ATP8A2: variants seen among roughly 807,000 people sequenced by gnomAD.
ATP8A2 encodes phospholipid-transporting ATPase IB.
Under a neutral mutation model 165.6 loss-of-function variants are expected in ATP8A2, and 100 were observed. That is an observed-to-expected ratio of 0.60 (90% CI 0.51 to 0.71). The LOEUF (loss-of-function observed/expected upper bound fraction) is 0.71. Among genes scored for constraint, ATP8A2 ranks in the 30% least tolerant of loss-of-function variants. The pLI is 0.00. For synonymous variants in ATP8A2, 543 were observed against 548.8 expected (o/e 0.99, Z 0.15); for missense variants, 1,227 against 1,479.5 (o/e 0.83, Z 2.80).
intron 1 of ATP8A2, among the ~76,000 whole-genome samples, chr13:25,458,110 G>C (rs377685976): frequency 6.6e-6 from 1 of 152,170 alleles, no homozygotes; most frequent in Non-Finnish European, 1.5e-5. Context: ...CCGTCTGCTT[G>C]GAGCCTCCAC....
At chr13:25,744,322 A>ACCCCCCCCC (rs1566097562) in intron 25 of ATP8A2, among the ~76,000 whole-genome samples, 1 of 149,286 alleles carries the variant, frequency 6.7e-6, no homozygotes, top group African/African-American at 2.6e-5. Context: ...TGGCTCACTC[A>ACCCCCCCCC]CCACCCCCCC....
At chr13:25,386,953 C>T (rs1038690956) in intron 1 of ATP8A2, among the ~76,000 whole-genome samples, 1 of 124,016 alleles carries the variant, frequency 8.1e-6, no homozygotes, top group East Asian at 3.1e-4. Flanking sequence ...GCCGAGATCG[C>T]GCCCTTGCAC....
intron 24 of ATP8A2, among the ~76,000 whole-genome samples, chr13:25,646,027 T>C (rs2041661553): frequency 6.6e-6 from 1 of 152,200 alleles, no homozygotes; most frequent in Non-Finnish European, 1.5e-5. Flanking sequence ...TCCCTTGCTG[T>C]TATTATATTG....
At chr13:25,495,768 C>T (rs916945069) in intron 2 of ATP8A2, among the ~76,000 whole-genome samples, 1 of 151,804 alleles carries the variant, frequency 6.6e-6, no homozygotes, top group African/African-American at 2.4e-5. Flanking sequence ...CTCTAGACCC[C>T]TGTCTGTTTT....
intron 33 of ATP8A2, among the ~76,000 whole-genome samples, chr13:25,892,463 T>A (rs1482820802): frequency 1.4e-5 from 2 of 147,554 alleles, no homozygotes; most frequent in Non-Finnish European, 1.5e-5. Context: ...CATTTCTCTC[T>A]CTCTCTGTCT....
At chr13:25,761,025 T>G (rs927002565) in intron 25 of ATP8A2, among the ~76,000 whole-genome samples, 3 of 152,228 alleles carry the variant, frequency 2.0e-5, no homozygotes, top group African/African-American at 7.2e-5. Flanking sequence ...AAAAGCAAGA[T>G]GCTTGCACAG....
chr13:25,676,762 C>G (rs1373874725), intron 24 of ATP8A2, among the ~76,000 whole-genome samples: 1 of 152,046 alleles, frequency 6.6e-6, no homozygotes, highest in Non-Finnish European at 1.5e-5. Flanking sequence ...TACTTGTATA[C>G]ATGTTGTAGA....
intron 33 of ATP8A2, among the ~76,000 whole-genome samples, chr13:25,919,298 C>T (rs1204213292): frequency 6.6e-6 from 1 of 152,188 alleles, no homozygotes; most frequent in Non-Finnish European, 1.5e-5. Flanking sequence ...CAGCATATGG[C>T]AGATGATGTC....
chr13:25,520,344 A>G (rs1156405104), intron 2 of ATP8A2, among the ~76,000 whole-genome samples: 1 of 152,250 alleles, frequency 6.6e-6, no homozygotes, highest in Non-Finnish European at 1.5e-5. Flanking sequence ...TGCAAATGAC[A>G]GGATCTCATT....
At chr13:25,647,686 C>CA (rs1566011940) in intron 24 of ATP8A2, among the ~76,000 whole-genome samples, 1 of 147,120 alleles carries the variant, frequency 6.8e-6, no homozygotes, top group Non-Finnish European at 1.5e-5. Context: ...TTCTTTTTTT[C>CA]TTTTTTTTTT....
chr13:25,876,611 C>A (rs1030904288), intron 33 of ATP8A2, among the ~76,000 whole-genome samples: 1 of 152,062 alleles, frequency 6.6e-6, no homozygotes, highest in Non-Finnish European at 1.5e-5. Flanking sequence ...GAAAAAAGAT[C>A]CTTTAACATA....
chr13:25,377,491 A>G (rs771284989), intron 1 of ATP8A2, among the ~76,000 whole-genome samples: 8 of 152,236 alleles, frequency 5.3e-5, no homozygotes, highest in Admixed American at 1.3e-4. Flanking sequence ...GTCTGCCTGC[A>G]TAGATCTGTC....
intron 27 of ATP8A2, among the ~76,000 whole-genome samples, chr13:25,792,602 A>G (rs2045207350): frequency 1.3e-5 from 2 of 152,158 alleles, no homozygotes. Context: ...TTTATGATCT[A>G]GTTAGAAGGG....
intron 2 of ATP8A2, among the ~76,000 whole-genome samples, chr13:25,507,219 T>TG (rs2037073143): frequency 7.9e-6 from 1 of 126,936 alleles, no homozygotes; most frequent in African/African-American, 3.1e-5. Flanking sequence ...GTACCATTCT[T>TG]TGTGTGTGTG....
At chr13:25,996,319 C>A (rs1031718756) in intron 35 of ATP8A2, among the ~76,000 whole-genome samples, 12 of 151,998 alleles carry the variant, frequency 7.9e-5, no homozygotes, top group African/African-American at 2.9e-4. Flanking sequence ...CCTTTTTGAG[C>A]CATCACACCT....
At chr13:25,413,880 C>A (rs1555267061) in intron 1 of ATP8A2, among the ~76,000 whole-genome samples, 3 of 151,914 alleles carry the variant, frequency 2.0e-5, no homozygotes, top group Non-Finnish European at 1.5e-5. Context: ...TTTTTTATTT[C>A]TTTGATGACT....
intron 12 of ATP8A2, 39 bp downstream of exon 12, chr13:25,553,959 G>A (rs1333042048): frequency 1.3e-6 from 2 of 1,583,916 alleles, no homozygotes; most frequent in Non-Finnish European, 8.6e-7. Flanking sequence ...ATTTTCCAAT[G>A]CTATTTCAGA....
In ATP8A2 at chr13:25,372,236, C is replaced by T; in HGVS notation, c.24C>T (p.Asp8=). 1 of 1,468,666 alleles carries T rather than the reference C, an allele frequency of 6.8e-7. No individual in the cohort carries two copies. The highest frequency in any genetic ancestry group is 1.3e-5 in the South Asian group (1 of 77,828). The allele number at this position is 1,468,666 out of a possible 1,614,324, so 91.0% of individuals were successfully genotyped here. ...AGATGCTGAACGGCGCAGGCCTGGACAAAGCTCTTAAGATGTCCCTGCCGC... is the reference window on the plus strand; with the variant it reads ...AGATGCTGAACGGCGCAGGCCTGGATAAAGCTCTTAAGATGTCCCTGCCGC... MLNGAGL[D]KALKMSLPRR... The change falls in exon 1 of 37, where the codon GAC becomes GAT. Residue 8 remains aspartate (D), a synonymous_variant. Transcript: ENST00000381655. The surrounding 1 kb of genome is among the most constrained non-coding windows in gnomAD (Gnocchi z 4.8).
chr13:25,513,516 G>A lies in ATP8A2; in HGVS notation c.222-16483G>A, dbSNP rs570721088. On this transcript the variant is annotated intron_variant, in intron 2 of 36. Transcript: ENST00000381655. ...GGGGCTCCTCACGTCCCAGAAGATG[G>A]GCGGCCAGGAGAGACGCTCCTCACT... 7.2e-5 allele frequency among the ~76,000 whole-genome samples: 11 copies of A among 152,168 alleles called. No individual in the cohort carries two copies. The East Asian group carries it at 2.0e-3, about 27-fold the overall frequency.
Sources: allele counts gnomAD v4.1 joint callset (sites outside exome capture counted in the v4.1 genomes callset), GRCh38; gene constraint gnomAD v4.1.1; non-coding constraint Gnocchi (gnomAD v3.1); transcripts MANE v1.5; gene names NCBI Gene and HGNC (gene_info 2026-07-23, HGNC 2026-07-21).